SP4: variants seen among roughly 807,000 people sequenced by gnomAD.
SP4 encodes transcription factor Sp4.
SP4 carries 19 observed loss-of-function variants against 72.8 expected under a neutral mutation model. That is an observed-to-expected ratio of 0.26 (90% confidence interval 0.18 to 0.38). SP4 has a LOEUF of 0.38. Ranked by LOEUF, SP4 falls within the 10% of genes least tolerant of loss-of-function variation. The pLI is 1.00. For missense variants in SP4, 1,008 were observed against 926.3 expected, an observed-to-expected ratio of 1.09 and a Z score of -1.14; for synonymous variants, 395 against 333.1, an observed-to-expected ratio of 1.19 and a Z score of -2.02.
chr7:21,507,527 G>C (rs1782029363), intron 5 of SP4, among the ~76,000 whole-genome samples: 1 of 152,248 alleles, frequency 6.6e-6, no homozygotes, highest in Non-Finnish European at 1.5e-5. Context: ...ATTTTTACTA[G>C]GCTCTTTTTC....
chr7:21,438,230 GTCT>G (rs1393288582), intron 3 of SP4, among the ~76,000 whole-genome samples: 6 of 152,094 alleles, frequency 3.9e-5, no homozygotes, highest in African/African-American at 1.4e-4. Context: ...TAAACTCTGA[GTCT>G]TCTTCTAATT....
chr7:21,495,681 A>G (rs1304038065), intron 5 of SP4, among the ~76,000 whole-genome samples: 1 of 152,166 alleles, frequency 6.6e-6, no homozygotes, highest in Non-Finnish European at 1.5e-5. Context: ...CTGCCTTTGG[A>G]AACTAGTTTG....
intron 2 of SP4, 36 bp from the exon 3 acceptor site, chr7:21,429,251 TCC>T (rs55964829): frequency 0.68 from 694,284 of 1,026,012 alleles, 243,903 homozygotes; most frequent in East Asian, 0.86. Flanking sequence ...CCACTTTTTT[TCC>T]CCCCCCCCTC....
chr7:21,506,678 C>T (rs1343142849), intron 5 of SP4, among the ~76,000 whole-genome samples: 2 of 152,130 alleles, frequency 1.3e-5, no homozygotes, highest in Non-Finnish European at 2.9e-5. Flanking sequence ...TTTCTCTTTC[C>T]ATCCATCAAT....
Position 21,510,699 on chromosome 7 carries a change from A to G in SP4, c.2108-323A>G, listed in dbSNP as rs187461501. Among the ~76,000 whole-genome samples, 89 of 152,352 alleles carry G rather than the reference A, an allele frequency of 5.8e-4. 1 individual carries two copies. The highest frequency in any genetic ancestry group is 2.1e-3 in the African/African-American group (88 of 41,588). On this transcript the variant is annotated intron_variant, in intron 5 of 5. Coordinates refer to ENST00000222584, the MANE Select transcript of SP4 (RefSeq NM_003112.5). ...ATTATATATATTTGTTACATCTGAT[A>G]GAGATATTTTAAATTGTCTGCTAAA...
At chr7:21,472,661 T>C (rs1014124689) in intron 3 of SP4, among the ~76,000 whole-genome samples, 4 of 151,678 alleles carry the variant, frequency 2.6e-5, no homozygotes, top group Admixed American at 2.0e-4. Context: ...GCTAAGGCCA[T>C]GCATGGTGGT....
chr7:21,428,339 C>G (rs1782693932), intron 1 of SP4, 81 bp downstream of exon 1: 24 of 742,438 alleles, frequency 3.2e-5, no homozygotes, highest in South Asian at 2.8e-4. Flanking sequence ...GGTTCTCCCC[C>G]CTCCCCCGGG....
chr7:21,428,961 G>A (rs39303), intron 2 of SP4, 169 bp downstream of exon 2: 229,251 of 629,938 alleles, frequency 0.36, 47,387 homozygotes, highest in East Asian at 0.84. Context: ...CCTCTTTGAG[G>A]GTATAACGCT....
intron 3 of SP4, among the ~76,000 whole-genome samples, chr7:21,462,859 T>C (rs1784039708): frequency 6.6e-6 from 1 of 152,316 alleles, no homozygotes; most frequent in Non-Finnish European, 1.5e-5. Flanking sequence ...CTTGAGAGTA[T>C]TGAGAAAAGT....
At chr7:21,510,944 C>T (rs1782125316) in intron 5 of SP4, 78 bp from the exon 6 acceptor site, 2 of 1,383,262 alleles carry the variant, frequency 1.4e-6, no homozygotes, top group Non-Finnish European at 2.0e-6. Context: ...TATAATGTGA[C>T]CAGAAGGGAG....
intron 3 of SP4, among the ~76,000 whole-genome samples, chr7:21,441,600 GTTTC>G: frequency 6.6e-6 from 1 of 152,316 alleles, no homozygotes; most frequent in African/African-American, 2.4e-5. Flanking sequence ...TTATGAGAGT[GTTTC>G]TTTGTAGATA....
chr7:21,469,386 A>G (rs1022785014), intron 3 of SP4, among the ~76,000 whole-genome samples: 2 of 144,814 alleles, frequency 1.4e-5, no homozygotes, highest in African/African-American at 5.1e-5. Flanking sequence ...TTCCTCATTC[A>G]TAGTTTTCTA....
At chr7:21,465,938 G>A (rs201604615) in intron 3 of SP4, among the ~76,000 whole-genome samples, 2 of 151,950 alleles carry the variant, frequency 1.3e-5, no homozygotes, top group East Asian at 3.9e-4. Context: ...TCACCTCCTT[G>A]AACTTTAATC....
chr7:21,472,828 G>T (rs1323750716), intron 3 of SP4, among the ~76,000 whole-genome samples: 1 of 151,862 alleles, frequency 6.6e-6, no homozygotes, highest in Non-Finnish European at 1.5e-5. Context: ...CAGAGAAGAA[G>T]GGGTTTCTGA....
intron 3 of SP4, among the ~76,000 whole-genome samples, chr7:21,465,393 C>T (rs1220934477): frequency 6.6e-6 from 1 of 152,076 alleles, no homozygotes; most frequent in Non-Finnish European, 1.5e-5. Context: ...GTGTAGGGCT[C>T]TGGATTCAGG....
intron 3 of SP4, among the ~76,000 whole-genome samples, chr7:21,460,086 T>A (rs1187101138): frequency 6.7e-6 from 1 of 149,302 alleles, no homozygotes; most frequent in African/African-American, 2.6e-5. Flanking sequence ...TTGAACTAAT[T>A]CTTTGAGAAA....
chr7:21,459,590 G>A (rs1055017035), intron 3 of SP4, among the ~76,000 whole-genome samples: 1 of 152,214 alleles, frequency 6.6e-6, no homozygotes, highest in African/African-American at 2.4e-5. Context: ...AAACAGAAAA[G>A]TCCCAAGAAT....
intron 3 of SP4, among the ~76,000 whole-genome samples, chr7:21,434,661 A>C (rs1782987173): frequency 6.6e-6 from 1 of 152,088 alleles, no homozygotes; most frequent in African/African-American, 2.4e-5. Flanking sequence ...TGTTACATGG[A>C]TATATTGCAT....
rs989749369 is a variant in SP4 at position 21,429,196 on chromosome 7, A to T, written c.124-93A>T. On this transcript the variant is annotated intron_variant, in intron 2 of 5. Transcript: ENST00000222584. ...TCCTAAATTGTTATGTAGAGCTGTC[A>T]AAATAAGTAACCCCCTGGCAACTAC... 27 of 672,636 alleles carry T rather than the reference A, an allele frequency of 4.0e-5. No individual in the cohort carries two copies. In the South Asian group the frequency reaches 5.2e-4, roughly 13 times the overall value. 41.7% of individuals were successfully genotyped at this position (672,636 alleles called of 1,614,324 possible). A position where few individuals can be genotyped will look rare whatever the true frequency, so the allele number is the denominator to read the frequency against.
Sources: allele counts gnomAD v4.1 joint callset (sites outside exome capture counted in the v4.1 genomes callset), GRCh38; gene constraint gnomAD v4.1.1; transcripts MANE v1.5; gene names NCBI Gene and HGNC (gene_info 2026-07-23, HGNC 2026-07-21).